Variants in SYN3 observed in about 807,000 individuals in gnomAD.
The protein encoded by SYN3 is synapsin-3.
In SYN3, 35 loss-of-function variants were observed where a neutral mutation model predicts 65.8. The ratio of observed to expected loss-of-function variants is 0.53; its 90% CI spans 0.41 to 0.70. The LOEUF (loss-of-function observed/expected upper bound fraction) is 0.70. Among genes scored for constraint, SYN3 ranks in the 30% least tolerant of loss-of-function variants. The pLI, the probability that SYN3 is intolerant of heterozygous loss-of-function variation, is 0.00. For synonymous variants in SYN3, 270 were observed against 292.9 expected (o/e 0.92, Z 0.80); for missense variants, 680 against 749.0 (o/e 0.91, Z 1.08).
At chr22:32,903,070 T>C (rs1028730822) in intron 4 of SYN3, among the ~76,000 whole-genome samples, 5 of 152,130 alleles carry the variant, frequency 3.3e-5, no homozygotes, top group African/African-American at 1.2e-4. Flanking sequence ...GAAATGATAA[T>C]TGATGCTCAG....
chr22:33,020,208 G>A (rs2053537583), intron 1 of SYN3, among the ~76,000 whole-genome samples: 1 of 152,190 alleles, frequency 6.6e-6, no homozygotes, highest in South Asian at 2.1e-4. Context: ...AGTTAACCAT[G>A]GAAACGTGTT....
At chr22:32,668,182 C>G (rs1400147491) in intron 6 of SYN3, among the ~76,000 whole-genome samples, 1 of 152,170 alleles carries the variant, frequency 6.6e-6, no homozygotes, top group Non-Finnish European at 1.5e-5. Flanking sequence ...TTTGAAAAAT[C>G]ACCTCATAGA....
At chr22:32,832,768 G>A (rs1036622493) in intron 6 of SYN3, among the ~76,000 whole-genome samples, 1 of 151,924 alleles carries the variant, frequency 6.6e-6, no homozygotes, top group African/African-American at 2.4e-5. Context: ...TCACTCTGTC[G>A]TTCAGCTGGA....
intron 6 of SYN3, among the ~76,000 whole-genome samples, chr22:32,765,797 A>T (rs946584238): frequency 6.6e-6 from 1 of 152,180 alleles, no homozygotes; most frequent in East Asian, 1.9e-4. Flanking sequence ...CACTGAATGC[A>T]GGATCTTGTG....
At chr22:32,811,808 C>T (rs778012882) in intron 6 of SYN3, among the ~76,000 whole-genome samples, 1 of 152,196 alleles carries the variant, frequency 6.6e-6, no homozygotes, top group Non-Finnish European at 1.5e-5. Context: ...CTTCTGAGGG[C>T]AAGCCCAACA....
chr22:32,960,263 G>A (rs982624725), intron 3 of SYN3, among the ~76,000 whole-genome samples: 1 of 152,244 alleles, frequency 6.6e-6, no homozygotes, highest in Non-Finnish European at 1.5e-5. Context: ...TATATATGGG[G>A]CTGTCACACT....
chr22:33,053,280 G>A (rs559051859), intron 1 of SYN3, among the ~76,000 whole-genome samples: 11 of 152,100 alleles, frequency 7.2e-5, no homozygotes, highest in Admixed American at 1.3e-4. Flanking sequence ...AAAATTAGCC[G>A]GGTGCGGTGG....
chr22:32,719,849 C>CA (rs1344725662), intron 6 of SYN3, among the ~76,000 whole-genome samples: 1 of 150,984 alleles, frequency 6.6e-6, no homozygotes, highest in Non-Finnish European at 1.5e-5. Context: ...CAGAAAAAAA[C>CA]AAAAAAAGAG....
chr22:32,700,888 T>C (rs1397098283), intron 6 of SYN3, among the ~76,000 whole-genome samples: 2 of 152,266 alleles, frequency 1.3e-5, no homozygotes, highest in Non-Finnish European at 2.9e-5. Context: ...AAATTTCCAC[T>C]GTTCTGTTAG....
chr22:32,612,125 C>T (rs1327635220), intron 6 of SYN3, among the ~76,000 whole-genome samples: 1 of 152,104 alleles, frequency 6.6e-6, no homozygotes, highest in Non-Finnish European at 1.5e-5. Flanking sequence ...GCCCTATGTT[C>T]CTCTTCATCT....
chr22:32,521,206 C>T (rs989448577), intron 12 of SYN3, among the ~76,000 whole-genome samples: 1 of 152,146 alleles, frequency 6.6e-6, no homozygotes, highest in African/African-American at 2.4e-5. Context: ...AGAACTATTT[C>T]TCTGAAGAGG....
At chr22:32,849,472 G>A in intron 6 of SYN3, 10 of 1,613,790 alleles carry the variant, frequency 6.2e-6, no homozygotes, top group Non-Finnish European at 8.5e-6. Context: ...CAAGGTGGTG[G>A]GGAAGAAGCT....
intron 6 of SYN3, among the ~76,000 whole-genome samples, chr22:32,795,947 G>A (rs566425901): frequency 6.6e-6 from 1 of 152,262 alleles, no homozygotes; most frequent in African/African-American, 2.4e-5. Flanking sequence ...AGTCTAACAG[G>A]AGACCAACCA....
intron 1 of SYN3, among the ~76,000 whole-genome samples, chr22:33,048,051 G>T (rs763865405): frequency 9.2e-5 from 14 of 152,070 alleles, no homozygotes; most frequent in Non-Finnish European, 1.6e-4. Flanking sequence ...GAGGCAGGCA[G>T]AACATGCCAA....
chr22:32,573,159 C>T (rs752862494), intron 7 of SYN3, among the ~76,000 whole-genome samples: 4 of 152,182 alleles, frequency 2.6e-5, no homozygotes, highest in Non-Finnish European at 5.9e-5. Flanking sequence ...TGCCAGCACA[C>T]CACTGGCTGG....
intron 6 of SYN3, among the ~76,000 whole-genome samples, chr22:32,677,568 G>A (rs867375851): frequency 3.3e-5 from 5 of 152,294 alleles, no homozygotes; most frequent in Non-Finnish European, 5.9e-5. Context: ...GGAGGCCAAG[G>A]CGGGTGGAAC....
In SYN3 at chr22:32,912,907, G is replaced by A. The variant is rs116781517; in HGVS notation, c.461+18483C>T. Among the ~76,000 whole-genome samples, 487 of 152,176 alleles carry A rather than the reference G, an allele frequency of 3.2e-3. 6 individuals are homozygous for A. Among genetic ancestry groups the A allele is most frequent in the African/African-American group, 0.011 (445 of 41,520 alleles). ...GAGAGAAATTATTCTATACGATACC[G>A]CAATGGTAGATACATGTCACACATT... On this transcript the variant is annotated intron_variant, in intron 4 of 13. Transcript: ENST00000358763.
In SYN3 at chr22:32,787,063, T is replaced by C. The variant is rs200017435; in HGVS notation, c.711+77852A>G. ...TTTTTCCTTTCTTTTCTTTTCTTTT[T>C]TTTTTTTTTTTCCTCACTCTGTTAC... On this transcript the variant is annotated intron_variant, in intron 6 of 13. Transcript: ENST00000358763. Among the ~76,000 whole-genome samples, 14 of 134,924 alleles carry C rather than the reference T, an allele frequency of 1.0e-4. No homozygotes were observed. The South Asian group carries it at 2.7e-3, about 26-fold the overall frequency. 88.5% of individuals were successfully genotyped at this position (134,924 alleles called of 152,430 possible).
chr22:32,766,213 T>A (rs2045621752), intron 6 of SYN3, among the ~76,000 whole-genome samples: 1 of 152,190 alleles, frequency 6.6e-6, no homozygotes, highest in South Asian at 2.1e-4. Flanking sequence ...CAGGTGGAAG[T>A]GGGTATGTGC....
Sources: gnomAD v4.1 joint callset for allele counts (sites outside exome capture counted in the v4.1 genomes callset) on GRCh38, gnomAD v4.1.1 for gene constraint, MANE v1.5 for transcripts, NCBI Gene and HGNC (gene_info 2026-07-23, HGNC 2026-07-21) for gene names.